ART3: variants seen among roughly 807,000 people sequenced by gnomAD.
ART3 encodes the protein ADP-ribosyltransferase 3 (inactive).
In ART3, 49 loss-of-function variants were observed where a neutral mutation model predicts 48.5. The observed-to-expected ratio is 1.01, with a 90% CI of 0.80 to 1.28. The LOEUF (loss-of-function observed/expected upper bound fraction) is 1.28, where lower values mean the gene tolerates loss of function less well. Ranked by LOEUF, ART3 falls within the 50% of genes most tolerant of loss-of-function variation. ART3 has a pLI of 0.00. For missense variants in ART3, 438 were observed against 454.3 expected (o/e 0.96, Z 0.33); for synonymous variants, 145 against 157.2 (o/e 0.92, Z 0.58).
chr4:76,097,655 G>A lies in ART3; in HGVS notation c.793G>A (p.Glu265Lys), dbSNP rs771499381. Residue 265 changes from glutamate to lysine, a missense_variant, in exon 4 of 12, where the codon GAA (glutamate) becomes AAA (lysine). This residue lies in a region of ART3 where 227 missense variants were observed against 229.6 expected (regional missense o/e 0.99). Transcript: ENST00000355810. Reference protein sequence around the residue: ...ECAFLGGLKTENCIENLEYFQ... With the variant: ...ECAFLGGLKTKNCIENLEYFQ... Reference sequence around the variant, plus strand: ...TCTTTGTGTTTCAGGACTAAAAACCGAAAACTGTATTGAGAACCTAGGTAA... The same window carrying A: ...TCTTTGTGTTTCAGGACTAAAAACCAAAAACTGTATTGAGAACCTAGGTAA... 3.4e-5 allele frequency: 54 copies of A among 1,607,148 alleles called. No individual in the cohort carries two copies. Among genetic ancestry groups the A allele is most frequent in the Middle Eastern group, 1.6e-4 (1 of 6,066 alleles).
chr4:76,075,979 C>T, intron 2 of ART3, 21 bp downstream of exon 2: 1 of 1,533,508 alleles, frequency 6.5e-7, no homozygotes. Flanking sequence ...GAATGGGAAG[C>T]ATGTGGTCAT....
At chr4:76,076,481 A>G (rs1443255961) in intron 2 of ART3, among the ~76,000 whole-genome samples, 1 of 152,210 alleles carries the variant, frequency 6.6e-6, no homozygotes, top group Non-Finnish European at 1.5e-5. Context: ...GAAAGTAAAG[A>G]TTATTCATAA....
upstream of ART3, among the ~76,000 whole-genome samples, chr4:76,073,770 T>C (rs1333667576): frequency 6.6e-6 from 1 of 152,222 alleles, no homozygotes; most frequent in Non-Finnish European, 1.5e-5. Context: ...TTTTGCCTAA[T>C]TTTGTTCTTG....
At chr4:76,106,291 T>C (rs1560658567) in intron 10 of ART3, 1 of 985,298 alleles carries the variant, frequency 1.0e-6, no homozygotes, top group Non-Finnish European at 1.2e-6. Flanking sequence ...AATATGGTAA[T>C]ATCATAATAT....
chr4:76,052,838 C>A (rs533171694), intron 1 of ART3, among the ~76,000 whole-genome samples: 1 of 151,860 alleles, frequency 6.6e-6, no homozygotes, highest in Non-Finnish European at 1.5e-5. Context: ...AAGCAATTCT[C>A]GTGCCTCAGC....
intron 3 of ART3, among the ~76,000 whole-genome samples, chr4:76,087,186 T>TG (rs1417343160): frequency 6.6e-6 from 1 of 151,984 alleles, no homozygotes; most frequent in East Asian, 1.9e-4. Context: ...TGTTTGTGAG[T>TG]GGGATTATGA....
intron 1 of ART3, among the ~76,000 whole-genome samples, chr4:76,038,187 A>G (rs972091688): frequency 6.6e-6 from 1 of 152,240 alleles, no homozygotes; most frequent in Non-Finnish European, 1.5e-5. Context: ...AAGAGTGAGT[A>G]TAGTACAATA....
At position 76,033,674 on chromosome 4, in the gene ART3, T is replaced by C. The variant is rs551319979; in HGVS notation, c.-10+22354T>C. Reference sequence around the variant, plus strand: ...GGCATCTCAAATGTCCTGGAAAGTATATAGATCTTTTTTTAAAAAAGAAAG... The same window carrying C: ...GGCATCTCAAATGTCCTGGAAAGTACATAGATCTTTTTTTAAAAAAGAAAG... On this transcript the variant is annotated intron_variant, in intron 1 of 9. Coordinates refer to the ART3 transcript ENST00000341029. 1.7e-3 allele frequency: 264 copies of C among 152,322 alleles called. 2 individuals are homozygous for C. Among genetic ancestry groups the C allele is most frequent in the African/African-American group, 6.3e-3 (263 of 41,572 alleles). 9.4% of individuals were successfully genotyped at this position (152,322 alleles called of 1,614,324 possible).
chr4:76,023,494 T>C, intron 1 of ART3: 2 of 1,474,662 alleles, frequency 1.4e-6, no homozygotes, highest in Admixed American at 1.7e-5. Flanking sequence ...TTGAGGAATG[T>C]CTCAGAAAAC....
chr4:76,052,111 A>G (rs556490252), intron 1 of ART3, among the ~76,000 whole-genome samples: 86 of 151,918 alleles, frequency 5.7e-4, no homozygotes, highest in African/African-American at 1.8e-3. Context: ...GGGTTTCGCC[A>G]TGCTCACGCC....
rs532290894 is a variant in ART3, at chr4:76,104,615, C to T, written c.989C>T (p.Pro330Leu). 6.4e-7 allele frequency: 1 copy of T among 1,551,594 alleles called. No homozygotes were observed. Among genetic ancestry groups the T allele is most frequent in the African/African-American group, 1.4e-5 (1 of 73,164 alleles). ...TQIPGMKIPE[P>L]FPLPEDKSQG... ...CATTTAGGAATGAAAATTCCAGAACCTTTTCCACTACCTGGTAAGCAACTG... is the reference window on the plus strand; with the variant it reads ...CATTTAGGAATGAAAATTCCAGAACTTTTTCCACTACCTGGTAAGCAACTG... The change falls in exon 10 of 12, where the codon CCT (proline) becomes CTT (leucine). Residue 330 changes from proline (P) to leucine (L), a missense_variant. Transcript: ENST00000355810.
At chr4:76,016,501 G>A (rs1052542247) in intron 1 of ART3, among the ~76,000 whole-genome samples, 3 of 152,138 alleles carry the variant, frequency 2.0e-5, no homozygotes, top group East Asian at 1.9e-4. Context: ...CACCACTGAC[G>A]TTGTGCTGAG....
In ART3 at chr4:76,082,498, C is replaced by G. The variant is rs201542707; in HGVS notation, c.744C>G (p.Asn248Lys). 6.2e-7 allele frequency: 1 copy of G among 1,604,190 alleles called. No individual in the cohort carries two copies. Among genetic ancestry groups the G allele is most frequent in the South Asian group, 1.1e-5 (1 of 89,400 alleles). The part of the protein sequence containing the change: ...AGNNLILQSI[N>K]KTCSHYECAF... ...ATAACCTTATCCTTCAAAGCATAAA[C>G]AAGACCTGCAGCCATTATGAGTGTG... The change falls in exon 3 of 12, where the codon AAC becomes AAG. Residue 248 changes from asparagine to lysine, a missense_variant. Asn to Lys is a moderately conservative substitution (Grantham distance 94, BLOSUM62 0). Around this residue, in one of 3 missense-constraint regions of ART3, gnomAD observed 227 missense variants for 229.6 expected, o/e 0.99. Transcript: ENST00000355810.
At chr4:76,087,945 G>A (rs1723969319) in intron 3 of ART3, among the ~76,000 whole-genome samples, 2 of 152,146 alleles carry the variant, frequency 1.3e-5, no homozygotes, top group Admixed American at 6.5e-5. Flanking sequence ...TTACTCCATT[G>A]GGGCTGGGTG....
chr4:76,075,903 A>G lies in ART3; in HGVS notation c.14A>G (p.His5Arg). The G allele has an allele frequency of 3.1e-6, 5 of 1,612,344 alleles. No individual in the cohort carries two copies. The highest frequency in any genetic ancestry group is 3.4e-6 in the Non-Finnish European group (4 of 1,179,152). The change falls in exon 2 of 12, where the codon CAT becomes CGT. Residue 5 changes from histidine to arginine, a missense_variant. Coordinates refer to ENST00000355810, the MANE Select transcript of ART3 (RefSeq NM_001130016.3). MKTG[H>R]FEIVTMLLAT... The stretch of plus-strand genomic sequence containing the variant: ...TAGAAGAGAAAAATGAAGACGGGAC[A>G]TTTTGAAATAGTCACCATGCTGCTG...
intron 3 of ART3, among the ~76,000 whole-genome samples, chr4:76,090,899 C>T (rs1164569088): frequency 6.6e-6 from 1 of 152,188 alleles, no homozygotes; most frequent in East Asian, 1.9e-4. Flanking sequence ...CAATTCCTTT[C>T]TCCTCCCTTT....
intron 3 of ART3, 86 bp downstream of exon 3, chr4:76,082,621 GA>G (rs1722722668): frequency 8.9e-7 from 1 of 1,129,368 alleles, no homozygotes; most frequent in African/African-American, 1.6e-5. Context: ...AGGAGAGTGA[GA>G]GGTGTTTGAA....
At chr4:76,100,194 A>T in intron 5 of ART3, 97 bp from the exon 6 acceptor site, 1 of 1,234,404 alleles carries the variant, frequency 8.1e-7, no homozygotes, top group African/African-American at 1.5e-5. Context: ...GGTTCTTTAT[A>T]GTCATATTTC....
chr4:76,093,058 T>C (rs1270892207), intron 3 of ART3, among the ~76,000 whole-genome samples: 1 of 152,166 alleles, frequency 6.6e-6, no homozygotes, highest in African/African-American at 2.4e-5. Flanking sequence ...GTTTTCTTGC[T>C]TTTTCCAGCT....
Sources: allele counts gnomAD v4.1 joint callset (sites outside exome capture counted in the v4.1 genomes callset), GRCh38; gene constraint gnomAD v4.1.1; regional missense constraint gnomAD v4.1.1; transcripts MANE v1.5; gene names NCBI Gene and HGNC (gene_info 2026-07-23, HGNC 2026-07-21).